FAM13B: variants seen among roughly 807,000 people sequenced by gnomAD.
FAM13B encodes the protein family with sequence similarity 13 member B.
Under a neutral mutation model 117.3 loss-of-function variants are expected in FAM13B, and 60 were observed. The observed-to-expected ratio is 0.51, with a 90% CI of 0.42 to 0.63. FAM13B has a LOEUF of 0.63. Ranked by LOEUF, FAM13B falls within the 30% of genes least tolerant of loss-of-function variation. The pLI is 0.00. For synonymous variants in FAM13B, 332 were observed against 356.1 expected (o/e 0.93, Z 0.76); for missense variants, 972 against 1,091.9 (o/e 0.89, Z 1.55).
At chr5:137,979,522 C>T (rs1045430410) in intron 10 of FAM13B, among the ~76,000 whole-genome samples, 3 of 152,114 alleles carry the variant, frequency 2.0e-5, no homozygotes, top group Non-Finnish European at 4.4e-5. Flanking sequence ...AGATAGTATT[C>T]CAGGCTCTAC....
chr5:138,040,941 G>A (rs1302723659), intron 1 of FAM13B, among the ~76,000 whole-genome samples: 1 of 151,594 alleles, frequency 6.6e-6, no homozygotes, highest in Admixed American at 6.6e-5. Flanking sequence ...GCACACGCCT[G>A]TAATCCCAGC....
At chr5:138,000,269 C>A (rs1026791100) in intron 7 of FAM13B, among the ~76,000 whole-genome samples, 1 of 152,030 alleles carries the variant, frequency 6.6e-6, no homozygotes, top group African/African-American at 2.4e-5. Flanking sequence ...CATGGTGCTG[C>A]ATGCCTGTAG....
upstream of FAM13B, among the ~76,000 whole-genome samples, chr5:138,034,329 C>G (rs1790856042): frequency 6.6e-6 from 1 of 152,206 alleles, no homozygotes; most frequent in Non-Finnish European, 1.5e-5. Context: ...TCTTAAGATA[C>G]GTCAGTAAAT....
At chr5:138,043,273 G>A (rs1025593923) in intron 1 of FAM13B, among the ~76,000 whole-genome samples, 20 of 152,056 alleles carry the variant, frequency 1.3e-4, no homozygotes, top group Non-Finnish European at 2.9e-5. Context: ...GGCTGAGGTG[G>A]GAGGATTGCT....
chr5:137,946,259 A>C lies in FAM13B; in HGVS notation c.2213T>G (p.Leu738Arg). Residue 738 changes from leucine (L) to arginine (R), a missense_variant, in exon 19 of 24, where the codon CTT (leucine) becomes CGT (arginine). Physicochemically the swap from Leu to Arg is moderately radical, Grantham distance 102. Coordinates refer to ENST00000689681, the MANE Select transcript of FAM13B (RefSeq NM_001385994.1). ...TCCATGTTGACTTTCATAGTAAAGA[A>C]GACTTTTCTGAAGAGAAGCTTTCTC... ...VEEKASLQKS[L>R]LYYESQHGRP... 2 of 1,592,712 alleles carry C rather than the reference A, an allele frequency of 1.3e-6. No individual in the cohort carries two copies. Among genetic ancestry groups the C allele is most frequent in the Non-Finnish European group, 8.5e-7 (1 of 1,174,528 alleles).
intron 1 of FAM13B, among the ~76,000 whole-genome samples, chr5:138,049,067 GA>G (rs1791722800): frequency 6.6e-6 from 1 of 150,422 alleles, no homozygotes; most frequent in Non-Finnish European, 1.5e-5. Context: ...TCAGCCACCC[GA>G]CTAGCTGGAG....
intron 7 of FAM13B, among the ~76,000 whole-genome samples, chr5:138,001,769 A>G (rs183535416): frequency 1.0e-3 from 156 of 152,346 alleles, no homozygotes; most frequent in African/African-American, 3.6e-3. Context: ...ACATTTGAGC[A>G]AAGAATTGAA....
intron 1 of FAM13B, among the ~76,000 whole-genome samples, chr5:138,022,767 T>C (rs768360204): frequency 6.6e-5 from 10 of 152,084 alleles, no homozygotes; most frequent in Non-Finnish European, 1.0e-4. Flanking sequence ...GCAAGTTTTA[T>C]ACATCACTAA....
intron 10 of FAM13B, among the ~76,000 whole-genome samples, chr5:137,981,238 C>G (rs1775658198): frequency 6.6e-6 from 1 of 151,672 alleles, no homozygotes. Context: ...GTGAGTAGCC[C>G]CATGAAGTTT....
At chr5:138,020,760 C>T (rs1259369188) in intron 2 of FAM13B, 1 of 184,476 alleles carries the variant, frequency 5.4e-6, no homozygotes, top group East Asian at 1.3e-4. Flanking sequence ...AAAATAAGGT[C>T]CACTGGATCA....
chr5:138,049,185 G>T (rs1275504774), intron 1 of FAM13B, among the ~76,000 whole-genome samples: 1 of 152,110 alleles, frequency 6.6e-6, no homozygotes, highest in Non-Finnish European at 1.5e-5. Flanking sequence ...TAAGCAATCT[G>T]CCTGCCTGGG....
chr5:138,011,733 T>A, intron 5 of FAM13B, 35 bp downstream of exon 5: 1 of 1,546,380 alleles, frequency 6.5e-7, no homozygotes, highest in Non-Finnish European at 8.8e-7. Flanking sequence ...TATCTAATTT[T>A]TAAAAATTAA....
Position 137,940,042 on chromosome 5 carries a change from G to T in FAM13B, c.*183C>A, listed in dbSNP as rs1347503440. 6.2e-7 allele frequency: 1 copy of T among 1,613,220 alleles called. No homozygotes were observed. The highest frequency in any genetic ancestry group is 2.2e-5 in the East Asian group (1 of 44,850). On this transcript the variant is annotated 3_prime_UTR_variant, in exon 24 of 24. Transcript: ENST00000689681. ...GTGGTTAATATGGAACATCACTTAC[G>T]CTCCCTTGAGAGGGCCTACTTACTC...
chr5:138,047,239 G>T (rs1352794268), intron 1 of FAM13B, among the ~76,000 whole-genome samples: 1 of 151,252 alleles, frequency 6.6e-6, no homozygotes, highest in East Asian at 2.0e-4. Flanking sequence ...GGGCGCGGTG[G>T]CTCATACCTG....
At chr5:138,048,877 A>C (rs531427258) in intron 1 of FAM13B, among the ~76,000 whole-genome samples, 1 of 152,022 alleles carries the variant, frequency 6.6e-6, no homozygotes, top group African/African-American at 2.4e-5. Flanking sequence ...CCTCAATGTC[A>C]GTCTCCTTCT....
rs763918758 is a variant in FAM13B at position 137,942,860 on chromosome 5, A to G, written c.2588+15T>C. Reference sequence around the variant, plus strand: ...ATTATAAAAATAGGCTAAAATCACAAATCAGCATACATACATAGAAGCTGC... The same window carrying G: ...ATTATAAAAATAGGCTAAAATCACAGATCAGCATACATACATAGAAGCTGC... On this transcript the variant is annotated intron_variant, in intron 22 of 23. Transcript: ENST00000689681. The G allele has an allele frequency of 2.3e-5, 36 of 1,582,682 alleles. No individual in the cohort carries two copies. In the South Asian group the frequency reaches 3.4e-4, roughly 15 times the overall value.
chr5:138,007,021 T>C lies in FAM13B; in HGVS notation c.817A>G (p.Ile273Val), dbSNP rs780899510. The C allele has an allele frequency of 6.2e-6, 10 of 1,610,664 alleles. No homozygotes were observed. In the South Asian group the frequency reaches 8.9e-5, roughly 14 times the overall value. ...EVVQLRMTEN[I>V]LESNSVTATS... Reference sequence around the variant, plus strand: ...GCCGTAACACTATTTGATTCCAGGATGTTTTCAGTCATCCTTAATTGTACC... The same window carrying C: ...GCCGTAACACTATTTGATTCCAGGACGTTTTCAGTCATCCTTAATTGTACC... Residue 273 changes from isoleucine to valine, a missense_variant, in exon 7 of 24, where the codon ATC becomes GTC. By Grantham distance (29) the Ile-to-Val change is conservative (BLOSUM62 3). Transcript: ENST00000689681.
At chr5:137,996,410 A>G (rs1352538838) in intron 7 of FAM13B, among the ~76,000 whole-genome samples, 1 of 151,992 alleles carries the variant, frequency 6.6e-6, no homozygotes, top group East Asian at 1.9e-4. Context: ...AAGTGCTGGG[A>G]TTACAGGCGT....
At chr5:138,011,536 C>T (rs1180573351) in intron 5 of FAM13B, among the ~76,000 whole-genome samples, 1 of 152,056 alleles carries the variant, frequency 6.6e-6, no homozygotes, top group African/African-American at 2.4e-5. Context: ...TCTCCTGTCT[C>T]AGCCTCCCGA....
Sources: allele counts gnomAD v4.1 joint callset (sites outside exome capture counted in the v4.1 genomes callset), GRCh38; gene constraint gnomAD v4.1.1; transcripts MANE v1.5; gene names NCBI Gene and HGNC (gene_info 2026-07-23, HGNC 2026-07-21).